Variants in HDAC8 observed in about 807,000 individuals in gnomAD.
HDAC8 encodes the protein histone deacetylase-like 1.
A neutral mutation model predicts 32.2 loss-of-function variants in HDAC8; 1 was observed. The observed-to-expected ratio is 0.03, with a 90% CI of 0.01 to 0.15. The LOEUF (loss-of-function observed/expected upper bound fraction) is 0.15, where lower values mean the gene tolerates loss of function less well. Ranked by LOEUF, HDAC8 falls within the 10% of genes least tolerant of loss-of-function variation. The probability of loss-of-function intolerance (pLI) is 1.00; values close to 1 mark genes in which losing one functional copy is unlikely to be tolerated. For synonymous variants in HDAC8, 108 were observed against 113.9 expected, an observed-to-expected ratio of 0.95 and a Z score of 0.33; for missense variants, 117 against 300.0, an observed-to-expected ratio of 0.39 and a Z score of 4.51.
chrX:72,471,543 T>C (rs868947780), intron 7 of HDAC8, among the ~76,000 whole-genome samples: 110 of 112,557 alleles, frequency 9.8e-4, no homozygotes, highest in African/African-American at 3.4e-3. Flanking sequence ...ATTATAACCA[T>C]CTTAGTGGGT....
intron 9 of HDAC8, among the ~76,000 whole-genome samples, chrX:72,381,410 G>A (rs1555959886): frequency 9.0e-6 from 1 of 111,316 alleles, no homozygotes; most frequent in Non-Finnish European, 1.9e-5. Context: ...TCTTCTTTCA[G>A]GGAACTCACA....
rs1007519026 is a variant in HDAC8 at position 72,475,434 on chromosome X, G to A, written c.738-10703C>T. ...TACTAGTCAGTCCCAAATGGGAGCC[G>A]TTCAACTTTCCATAGGTATGTTTTC... On this transcript the variant is annotated intron_variant, in intron 7 of 10. Transcript: ENST00000373573. Among the ~76,000 whole-genome samples the A allele has an allele frequency of 4.5e-5, 5 of 111,933 alleles. No individual in the cohort carries two copies. The Admixed American group carries it at 4.7e-4, about 11-fold the overall frequency.
At chrX:72,482,147 T>C (rs781996265) in intron 7 of HDAC8, among the ~76,000 whole-genome samples, 2 of 111,668 alleles carry the variant, frequency 1.8e-5, no homozygotes, top group African/African-American at 3.3e-5. Flanking sequence ...GGAGAATCTC[T>C]ACCCTTTATG....
At chrX:72,464,802 T>C (rs2047972233) in intron 7 of HDAC8, 71 bp from the exon 8 acceptor site, 24 of 719,582 alleles carry the variant, frequency 3.3e-5, no homozygotes, top group Non-Finnish European at 2.1e-5. Flanking sequence ...GTAGGGCAAG[T>C]TGGAGGTATA....
intron 4 of HDAC8, among the ~76,000 whole-genome samples, chrX:72,554,033 C>T: frequency 8.9e-6 from 1 of 111,931 alleles, no homozygotes; most frequent in Non-Finnish European, 1.9e-5. Context: ...TCAATTAGAA[C>T]AGTTAGAGAT....
chrX:72,426,969 A>G (rs1394443963), intron 9 of HDAC8, among the ~76,000 whole-genome samples: 1 of 110,176 alleles, frequency 9.1e-6, no homozygotes, highest in East Asian at 2.9e-4. Flanking sequence ...GTGAAGACAT[A>G]CAGAGAAGGA....
At chrX:72,485,633 AAAGG>A (rs2048646365) in intron 7 of HDAC8, among the ~76,000 whole-genome samples, 1 of 111,026 alleles carries the variant, frequency 9.0e-6, no homozygotes, top group Non-Finnish European at 1.9e-5. Flanking sequence ...CAAGACAAGA[AAAGG>A]AAGGAAGGAA....
chrX:72,492,240 C>G (rs2048893734), intron 5 of HDAC8, among the ~76,000 whole-genome samples: 1 of 112,032 alleles, frequency 8.9e-6, no homozygotes, highest in Non-Finnish European at 1.9e-5. Flanking sequence ...TATGAGAGTT[C>G]CCAAACTATT....
chrX:72,555,460 C>A (rs782047069), intron 4 of HDAC8, among the ~76,000 whole-genome samples: 1 of 111,668 alleles, frequency 9.0e-6, no homozygotes, highest in South Asian at 3.8e-4. Context: ...AATCAAGGAG[C>A]CACCAGAGAA....
At chrX:72,534,639 A>G (rs1185860489) in intron 4 of HDAC8, among the ~76,000 whole-genome samples, 1 of 111,756 alleles carries the variant, frequency 8.9e-6, no homozygotes, top group Non-Finnish European at 1.9e-5. Context: ...AAGAAGTGCA[A>G]GACTTGTATA....
At chrX:72,474,351 A>T in intron 7 of HDAC8, 3 of 790,564 alleles carry the variant, frequency 3.8e-6, no homozygotes, top group Non-Finnish European at 4.6e-6. Flanking sequence ...TAGAATCAAT[A>T]CTTTATACAT....
intron 9 of HDAC8, among the ~76,000 whole-genome samples, chrX:72,410,855 A>C (rs1335729966): frequency 5.4e-5 from 6 of 110,778 alleles, no homozygotes; most frequent in Non-Finnish European, 1.1e-4. Flanking sequence ...GCTGCTGCTG[A>C]ACTTAGAAAG....
At chrX:72,559,033 T>C in intron 4 of HDAC8, among the ~76,000 whole-genome samples, 5 of 13,689 alleles carry the variant, frequency 3.7e-4, no homozygotes, top group Non-Finnish European at 6.0e-4. Context: ...ACCTAGCTTC[T>C]CCCCCTCCCC....
chrX:72,378,278 C>T (rs782008686), intron 9 of HDAC8, among the ~76,000 whole-genome samples: 32 of 111,407 alleles, frequency 2.9e-4, no homozygotes, highest in African/African-American at 1.0e-3. Context: ...TGATGCCATT[C>T]TCATGGTAGT....
intron 7 of HDAC8, among the ~76,000 whole-genome samples, chrX:72,470,879 C>T (rs1156608028): frequency 4.5e-5 from 5 of 111,588 alleles, no homozygotes; most frequent in African/African-American, 1.6e-4. Context: ...CTATACAATT[C>T]CCTCATTTAA....
chrX:72,369,928 G>T (rs782637526), intron 9 of HDAC8, among the ~76,000 whole-genome samples: 1 of 112,575 alleles, frequency 8.9e-6, no homozygotes, highest in Non-Finnish European at 1.9e-5. Context: ...TGGAGGTGGG[G>T]ATTAGGGGTG....
chrX:72,331,925 C>T (rs2043537009), intron 10 of HDAC8, among the ~76,000 whole-genome samples: 1 of 112,395 alleles, frequency 8.9e-6, no homozygotes, highest in East Asian at 2.8e-4. Flanking sequence ...TACAGTCATT[C>T]CCATCCCTCC....
At chrX:72,429,851 C>A (rs1176939595) in intron 9 of HDAC8, among the ~76,000 whole-genome samples, 9 of 111,777 alleles carry the variant, frequency 8.1e-5, no homozygotes, top group African/African-American at 2.9e-4. Context: ...GTTGCTGCTC[C>A]CTGTCACAGT....
Position 72,440,708 on chromosome X carries a change from C to T in HDAC8, c.1005+21296G>A, listed in dbSNP as rs140706427. Among the ~76,000 whole-genome samples the T allele has an allele frequency of 7.1e-4, 80 of 111,925 alleles. No individual in the cohort carries two copies. In the East Asian group the frequency reaches 0.014, roughly 20 times the overall value. ...AGGACAGTGGGTGAAGCACACTGTG[C>T]GTGAGCCGAAGCAGGGCGAGGCATT... On this transcript the variant is annotated intron_variant, in intron 9 of 10. Coordinates refer to ENST00000373573, the MANE Select transcript of HDAC8 (RefSeq NM_018486.3).
Sources: allele counts gnomAD v4.1 joint callset (sites outside exome capture counted in the v4.1 genomes callset), GRCh38; gene constraint gnomAD v4.1.1; transcripts MANE v1.5; gene names NCBI Gene and HGNC (gene_info 2026-07-23, HGNC 2026-07-21).